The following HEATR5B variants were observed in gnomAD, a reference collection of about 807,000 sequenced individuals.
HEATR5B encodes HEAT repeat containing 5B.
A neutral mutation model predicts 224.1 loss-of-function variants in HEATR5B; 156 were observed. The ratio of observed to expected loss-of-function variants is 0.70; its 90% CI spans 0.61 to 0.80. HEATR5B has a LOEUF of 0.80. Ranked by LOEUF, HEATR5B falls within the 30% of genes least tolerant of loss-of-function variation. The probability of loss-of-function intolerance (pLI) is 0.00; values close to 1 mark genes in which losing one functional copy is unlikely to be tolerated. For missense variants in HEATR5B, 2,323 were observed against 2,535.5 expected (o/e 0.92, Z 1.80); for synonymous variants, 1,027 against 893.0 (o/e 1.15, Z -2.68).
chr2:37,038,653 G>C (rs976394324), intron 20 of HEATR5B, among the ~76,000 whole-genome samples: 1 of 152,160 alleles, frequency 6.6e-6, no homozygotes, highest in Non-Finnish European at 1.5e-5. Flanking sequence ...ATGGGTCTAA[G>C]CAAGCGGCTT....
chr2:37,059,264 T>A (rs1671102472), intron 12 of HEATR5B, among the ~76,000 whole-genome samples: 1 of 150,756 alleles, frequency 6.6e-6, no homozygotes, highest in South Asian at 2.1e-4. Context: ...CCCATAGGAA[T>A]TCAGATGACT....
chr2:37,014,816 A>C (rs1331474711), intron 26 of HEATR5B, among the ~76,000 whole-genome samples: 2 of 151,850 alleles, frequency 1.3e-5, no homozygotes, highest in African/African-American at 4.8e-5. Context: ...ATCTCTACTA[A>C]AAATACAAAA....
chr2:37,015,619 G>A (rs1243399798), intron 26 of HEATR5B, among the ~76,000 whole-genome samples: 1 of 152,170 alleles, frequency 6.6e-6, no homozygotes, highest in Non-Finnish European at 1.5e-5. Context: ...TGGAAGGAAG[G>A]TGATACTACT....
intron 33 of HEATR5B, among the ~76,000 whole-genome samples, chr2:36,995,087 G>GTTTTTTTTTTTTTTTTTT (rs775120824): frequency 2.9e-5 from 3 of 104,132 alleles, no homozygotes; most frequent in Admixed American, 1.0e-4. Context: ...GTTATTCCTT[G>GTTTTTTTTTTTTTTTTTT]TTTTTTTTTT....
At chr2:37,068,601 C>A (rs1464362402) in intron 8 of HEATR5B, 80 bp downstream of exon 8, 6 of 1,437,414 alleles carry the variant, frequency 4.2e-6, no homozygotes, top group Non-Finnish European at 5.7e-6. Context: ...ACTAATCAGT[C>A]TTATGGATAT....
intron 4 of HEATR5B, 23 bp downstream of exon 4, chr2:37,076,888 A>G (rs1572948534): frequency 6.6e-7 from 1 of 1,519,658 alleles, no homozygotes; most frequent in Middle Eastern, 1.7e-4. Flanking sequence ...AAATATTCAA[A>G]TAATATTGGT....
At chr2:37,059,753 C>A (rs1020097054) in intron 12 of HEATR5B, among the ~76,000 whole-genome samples, 1 of 151,878 alleles carries the variant, frequency 6.6e-6, no homozygotes, top group Non-Finnish European at 1.5e-5. Context: ...AGCCACAGCA[C>A]CCGGCCACTA....
intron 24 of HEATR5B, among the ~76,000 whole-genome samples, chr2:37,022,425 C>T (rs1668521596): frequency 1.3e-5 from 2 of 152,206 alleles, no homozygotes; most frequent in Admixed American, 6.5e-5. Context: ...GATTCGCCCA[C>T]CTCGGCCTCC....
intron 18 of HEATR5B, among the ~76,000 whole-genome samples, chr2:37,041,503 T>G (rs912024473): frequency 5.9e-5 from 9 of 152,206 alleles, no homozygotes; most frequent in African/African-American, 2.2e-4. Context: ...TCCCAGCATT[T>G]GGGAGGCTGA....
intron 29 of HEATR5B, among the ~76,000 whole-genome samples, chr2:37,006,440 G>A (rs1008358099): frequency 6.6e-6 from 1 of 152,128 alleles, no homozygotes; most frequent in African/African-American, 2.4e-5. Context: ...TCAGGAGTTC[G>A]AGACCAGCCT....
At chr2:37,051,779 C>T (rs2148529095) in intron 17 of HEATR5B, among the ~76,000 whole-genome samples, 1 of 151,868 alleles carries the variant, frequency 6.6e-6, no homozygotes, top group East Asian at 1.9e-4. Flanking sequence ...TTGCTCTGTC[C>T]CCCAGGCTGG....
At chr2:37,057,036 A>G (rs1004943108) in intron 15 of HEATR5B, among the ~76,000 whole-genome samples, 1 of 152,222 alleles carries the variant, frequency 6.6e-6, no homozygotes, top group Non-Finnish European at 1.5e-5. Flanking sequence ...AAAACAAAAC[A>G]AAATACCAAT....
At chr2:37,064,407 C>A (rs749666988) in intron 10 of HEATR5B, among the ~76,000 whole-genome samples, 6 of 151,526 alleles carry the variant, frequency 4.0e-5, no homozygotes, top group Non-Finnish European at 5.9e-5. Context: ...CCAACCCATC[C>A]TCCCCAGTAG....
chr2:37,040,295 A>C (rs755663976), intron 20 of HEATR5B, 34 bp downstream of exon 20: 8 of 1,513,850 alleles, frequency 5.3e-6, no homozygotes, highest in Non-Finnish European at 6.4e-6. Context: ...CTGATTATCT[A>C]ACTAGGTTCC....
In HEATR5B at chr2:37,058,598, G is replaced by A. The variant is rs765006383; in HGVS notation, c.1950-38C>T. 1.6e-5 allele frequency: 21 copies of A among 1,353,278 alleles called. 1 individual carries two copies. The South Asian group carries it at 2.4e-4, about 15-fold the overall frequency. The allele number at this position is 1,353,278 out of a possible 1,614,324, so 83.8% of individuals were successfully genotyped here. On this transcript the variant is annotated intron_variant, in intron 13 of 35. Coordinates refer to ENST00000233099, the MANE Select transcript of HEATR5B (RefSeq NM_019024.3). ...AAACATAGTTGGTAATGGCTTACCA[G>A]AATAAGTATTACTTATAAATTTTTT...
chr2:37,033,518 G>C lies in HEATR5B; in HGVS notation c.3217-745C>G, dbSNP rs575342065. ...ACCATAATATTTGAAAGCAAAGGAG[G>C]TTATCAAAGTGAAAAAACCAAATCA... On this transcript the variant is annotated intron_variant, in intron 21 of 35. Transcript: ENST00000233099. 3.9e-5 allele frequency among the ~76,000 whole-genome samples: 6 copies of C among 152,256 alleles called. No homozygotes were observed. The East Asian group carries it at 9.6e-4, about 24-fold the overall frequency.
At chr2:37,017,687 CAAAAAAAA>C (rs1056240189) in intron 26 of HEATR5B, among the ~76,000 whole-genome samples, 4 of 61,696 alleles carry the variant, frequency 6.5e-5, no homozygotes, top group East Asian at 4.0e-4. Flanking sequence ...AATTCCGTCT[CAAAAAAAA>C]AAAAAAAAAA....
chr2:37,019,928 C>T (rs753319885), intron 25 of HEATR5B, 51 bp from the exon 26 acceptor site: 22 of 1,301,556 alleles, frequency 1.7e-5, no homozygotes, highest in African/African-American at 8.9e-5. Flanking sequence ...TTTTGAGACA[C>T]GGTCTTACTC....
intron 33 of HEATR5B, among the ~76,000 whole-genome samples, chr2:36,995,180 C>A (rs771511468): frequency 6.8e-6 from 1 of 147,804 alleles, no homozygotes; most frequent in Non-Finnish European, 1.5e-5. Context: ...ACCTCTGCCT[C>A]CTGGGTTCAA....
Sources: gnomAD v4.1 joint callset for allele counts (sites outside exome capture counted in the v4.1 genomes callset) on GRCh38, gnomAD v4.1.1 for gene constraint, MANE v1.5 for transcripts, NCBI Gene and HGNC (gene_info 2026-07-23, HGNC 2026-07-21) for gene names.